Variants in MROH2A observed in about 807,000 individuals in gnomAD.
The protein encoded by MROH2A is maestro heat like repeat family member 2A.
Under a neutral mutation model 200.4 loss-of-function variants are expected in MROH2A, and 174 were observed. That is an observed-to-expected ratio of 0.87 (90% CI 0.77 to 0.98). MROH2A has a LOEUF of 0.98. Among genes scored for constraint, MROH2A ranks in the 50% least tolerant of loss-of-function variants. The pLI, the probability that MROH2A is intolerant of heterozygous loss-of-function variation, is 0.00. For missense variants in MROH2A, 2,045 were observed against 2,139.6 expected (o/e 0.96, Z 0.87); for synonymous variants, 829 against 840.4 (o/e 0.99, Z 0.23).
intron 11 of MROH2A, among the ~76,000 whole-genome samples, chr2:233,797,268 A>G (rs1455356608): frequency 6.6e-6 from 1 of 152,240 alleles, no homozygotes; most frequent in Non-Finnish European, 1.5e-5. Context: ...GCTCAATTGG[A>G]TACGGACCAA....
chr2:233,789,450 C>T (rs1308043744), intron 3 of MROH2A, 47 bp from the exon 4 acceptor site: 2 of 1,342,276 alleles, frequency 1.5e-6, no homozygotes, highest in South Asian at 2.2e-5. Flanking sequence ...TGGACTTGTG[C>T]TGGGGGCAGG....
At chr2:233,790,126 C>T in intron 5 of MROH2A, 112 bp downstream of exon 5, 2 of 1,042,578 alleles carry the variant, frequency 1.9e-6, no homozygotes, top group Non-Finnish European at 2.7e-6. Flanking sequence ...TTTCATTTCT[C>T]TCTTTTTCCC....
chr2:233,785,523 G>A (rs1198001991), intron 3 of MROH2A, among the ~76,000 whole-genome samples: 1 of 152,026 alleles, frequency 6.6e-6, no homozygotes, highest in African/African-American at 2.4e-5. Flanking sequence ...AAGAGAGGGG[G>A]CCAACCATGC....
At chr2:233,819,543 C>A in intron 30 of MROH2A, 74 bp downstream of exon 30, 2 of 1,441,254 alleles carry the variant, frequency 1.4e-6, no homozygotes, top group Non-Finnish European at 1.9e-6. Context: ...GAGGGAAGGA[C>A]GAGGGCCTCA....
In MROH2A at chr2:233,827,633, C is replaced by T. The variant is rs1044718879; in HGVS notation, c.4114-997C>T. On this transcript the variant is annotated intron_variant, in intron 35 of 41. Transcript: ENST00000389758. Reference sequence around the variant, plus strand: ...CTAATGCATGCTGGGCTTAATAACTCGGTGATGGGTCGATAGGTGCAGCAA... The same window carrying T: ...CTAATGCATGCTGGGCTTAATAACTTGGTGATGGGTCGATAGGTGCAGCAA... Among the ~76,000 whole-genome samples the T allele has an allele frequency of 5.9e-5, 9 of 151,968 alleles. No individual in the cohort carries two copies. In the South Asian group the frequency reaches 8.3e-4, roughly 14 times the overall value.
intron 28 of MROH2A, 80 bp downstream of exon 28, chr2:233,818,205 C>G: frequency 6.7e-7 from 1 of 1,500,576 alleles, no homozygotes; most frequent in Non-Finnish European, 8.9e-7. Flanking sequence ...CTGCGGCCTG[C>G]CCTGGAGGGA....
chr2:233,825,578 G>T (rs1487196461), intron 35 of MROH2A, among the ~76,000 whole-genome samples: 6 of 152,176 alleles, frequency 3.9e-5, no homozygotes, highest in Admixed American at 1.3e-4. Context: ...AGATAATCAT[G>T]TGGTTTTGTC....
At position 233,779,790 on chromosome 2, in the gene MROH2A, A is replaced by G. The variant is rs1161814244; in HGVS notation, c.214A>G (p.Lys72Glu). ...CCTGGCCTCGGTGATAATCATGGAGAAGGCCACCACTGAGCCTTCTGTAGT... is the reference window on the plus strand; with the variant it reads ...CCTGGCCTCGGTGATAATCATGGAGGAGGCCACCACTGAGCCTTCTGTAGT... Reference protein sequence around the residue: ...KTLASVIIMEKATTEPSVVIN... With the variant: ...KTLASVIIMEEATTEPSVVIN... Residue 72 changes from lysine to glutamate, a missense_variant, in exon 3 of 42, where the codon AAG (lysine) becomes GAG (glutamate). Lys to Glu is a moderately conservative substitution (Grantham distance 56). This residue lies in a region of MROH2A where 831 missense variants were observed against 800.0 expected (regional missense o/e 1.04). Transcript: ENST00000389758. 15 of 1,550,560 alleles carry G rather than the reference A, an allele frequency of 9.7e-6. No individual in the cohort carries two copies. In the Admixed American group the frequency reaches 2.9e-4, roughly 30 times the overall value.
Position 233,811,900 on chromosome 2 carries a change from G to T in MROH2A, c.2592G>T (p.Pro864=), listed in dbSNP as rs755296439. ...SIIVAVIKAE[P]TDNLVSPVRA... is the part of the protein sequence containing the mutation. ...GACAGGCGGTCATCAAGGCAGAACCGACTGACAACCTGGTTTCTCCAGTGC... is the reference window on the plus strand; with the variant it reads ...GACAGGCGGTCATCAAGGCAGAACCTACTGACAACCTGGTTTCTCCAGTGC... The change falls in exon 24 of 42, where the codon CCG becomes CCT. Residue 864 remains proline (P), a synonymous_variant. Transcript: ENST00000389758. The T allele has an allele frequency of 6.5e-7, 1 of 1,550,338 alleles. No individual in the cohort carries two copies. Among genetic ancestry groups the T allele is most frequent in the Non-Finnish European group, 8.7e-7 (1 of 1,146,914 alleles).
Position 233,807,342 on chromosome 2 carries a change from G to C in MROH2A, c.2053-81G>C. On this transcript the variant is annotated intron_variant, in intron 19 of 41. Transcript: ENST00000389758. The surrounding 1 kb of genome is among the most constrained non-coding windows in gnomAD (Gnocchi z 4.3). Reference sequence around the variant, plus strand: ...CACATTAAAATAAATTGAAAAATACGTAGAAAACTCTCTACAACAGCACCC... The same window carrying C: ...CACATTAAAATAAATTGAAAAATACCTAGAAAACTCTCTACAACAGCACCC... 1.2e-5 allele frequency: 16 copies of C among 1,381,968 alleles called. No homozygotes were observed. The highest frequency in any genetic ancestry group is 1.4e-5 in the Non-Finnish European group (14 of 1,034,178). The allele number at this position is 1,381,968 out of a possible 1,614,324, so 85.6% of individuals were successfully genotyped here.
Position 233,792,510 on chromosome 2 carries a change from CA to C in MROH2A, c.572-284del, listed in dbSNP as rs377629383. On this transcript the variant is annotated intron_variant, in intron 5 of 41. Coordinates refer to ENST00000389758, the MANE Select transcript of MROH2A (RefSeq NM_001394639.1). ...TGTATTTTTAGTAGAGACGGGGTTT[CA>C]ACCGTGTTAGCCAGGATGACCTCGA... Among the ~76,000 whole-genome samples the C allele has an allele frequency of 6.8e-3, 1,038 of 152,146 alleles. 16 individuals are homozygous for C. Among genetic ancestry groups the C allele is most frequent in the African/African-American group, 0.02 (841 of 41,492 alleles).
Position 233,818,732 on chromosome 2 carries a change from G to A in MROH2A, c.3166G>A (p.Val1056Met). 3 of 1,549,874 alleles carry A rather than the reference G, an allele frequency of 1.9e-6. No individual in the cohort carries two copies. The highest frequency in any genetic ancestry group is 1.2e-5 in the South Asian group (1 of 84,038). The change falls in exon 29 of 42, where the codon GTG (valine) becomes ATG (methionine). Residue 1056 changes from valine to methionine, a missense_variant. Val to Met is a conservative substitution (Grantham distance 21). Around this residue, in one of 3 missense-constraint regions of MROH2A, gnomAD observed 1,201 missense variants for 1,311.3 expected, o/e 0.92. Coordinates refer to ENST00000389758, the MANE Select transcript of MROH2A (RefSeq NM_001394639.1). ...TAAGGGGGACCTCCAGAGCACAGATGTGGAGAAGATCTTCTGTGCATCCTC... is the reference window on the plus strand; with the variant it reads ...TAAGGGGGACCTCCAGAGCACAGATATGGAGAAGATCTTCTGTGCATCCTC... ...KCKGDLQSTD[V>M]EKIFCASSRI...
chr2:233,802,170 G>A lies in MROH2A; in HGVS notation c.1563G>A (p.Glu521=). Residue 521 remains glutamate (E), a splice_region_variant and synonymous_variant, in exon 15 of 42, where the codon GAG becomes GAA. Transcript: ENST00000389758. ...ITSSVSGMTT[E]FWVRLLCYIM... ...TTTCTCTCCCACCCCTACCCCAGGA[G>A]TTTTGGGTGAGGCTGCTGTGCTACA... 3 of 1,548,974 alleles carry A rather than the reference G, an allele frequency of 1.9e-6. No individual in the cohort carries two copies. The highest frequency in any genetic ancestry group is 1.2e-5 in the South Asian group (1 of 83,904).
At chr2:233,785,221 A>G (rs1701142942) in intron 3 of MROH2A, among the ~76,000 whole-genome samples, 1 of 152,090 alleles carries the variant, frequency 6.6e-6, no homozygotes. Flanking sequence ...TTGCTCTTGA[A>G]AGGACAGTTT....
intron 13 of MROH2A, 130 bp downstream of exon 13, chr2:233,800,029 G>C (rs1352663993): frequency 8.4e-6 from 11 of 1,309,306 alleles, no homozygotes; most frequent in Non-Finnish European, 1.2e-5. Context: ...GGAGTTCATA[G>C]ACACAGTGAA....
Position 233,826,872 on chromosome 2 carries a change from A to T in MROH2A, c.4114-1758A>T, listed in dbSNP as rs569016435. Reference sequence around the variant, plus strand: ...ATCTACAAGGAACTCAAACAAATTTACAAGAAAAAAACAAACAATCCTATT... The same window carrying T: ...ATCTACAAGGAACTCAAACAAATTTTCAAGAAAAAAACAAACAATCCTATT... On this transcript the variant is annotated intron_variant, in intron 35 of 41. Coordinates refer to ENST00000389758, the MANE Select transcript of MROH2A (RefSeq NM_001394639.1). 5.3e-5 allele frequency among the ~76,000 whole-genome samples: 8 copies of T among 152,372 alleles called. No homozygotes were observed. The East Asian group carries it at 1.5e-3, about 29-fold the overall frequency.
intron 3 of MROH2A, 142 bp from the exon 4 acceptor site, chr2:233,789,355 G>C: frequency 1.1e-6 from 1 of 875,950 alleles, no homozygotes; most frequent in Non-Finnish European, 1.5e-6. Context: ...GGAGGATTTA[G>C]AAATGGAGGA....
chr2:233,779,918 C>T, intron 3 of MROH2A, 66 bp downstream of exon 3: 2 of 1,278,842 alleles, frequency 1.6e-6, no homozygotes, highest in Non-Finnish European at 2.2e-6. Context: ...CACCACCCAG[C>T]ACATAGTTAC....
At chr2:233,796,361 AG>A in intron 11 of MROH2A, 48 bp downstream of exon 11, 1 of 1,056,600 alleles carries the variant, frequency 9.5e-7, no homozygotes, top group South Asian at 1.5e-5. Flanking sequence ...TGGGGTAGGC[AG>A]GGTGGAGAAC....
Sources: gnomAD v4.1 joint callset for allele counts (sites outside exome capture counted in the v4.1 genomes callset) on GRCh38, gnomAD v4.1.1 for gene constraint, gnomAD v4.1.1 regional missense constraint, Gnocchi (gnomAD v3.1) non-coding constraint, MANE v1.5 for transcripts, NCBI Gene and HGNC (gene_info 2026-07-23, HGNC 2026-07-21) for gene names.